Variants in FAM89A observed in about 807,000 individuals in gnomAD.
FAM89A encodes the protein family with sequence similarity 89 member A.
In FAM89A, 10 loss-of-function variants were observed where a neutral mutation model predicts 7.1. The ratio of observed to expected loss-of-function variants is 1.40; its 90% CI spans 0.86 to 2.38. The LOEUF (loss-of-function observed/expected upper bound fraction) is 2.38. Ranked by LOEUF, FAM89A falls within the 30% of genes most tolerant of loss-of-function variation. The pLI is 0.00. For synonymous variants in FAM89A, 157 were observed against 129.3 expected (o/e 1.21, Z -1.45); for missense variants, 276 against 262.8 (o/e 1.05, Z -0.35).
At chr1:231,020,998 G>A (rs961956879) in intron 1 of FAM89A, among the ~76,000 whole-genome samples, 14 of 152,130 alleles carry the variant, frequency 9.2e-5, no homozygotes, top group Non-Finnish European at 1.8e-4. Flanking sequence ...CAGCATCGGT[G>A]CCTCTTAACC....
Position 231,020,045 on chromosome 1 carries a change from A to C in FAM89A, c.373T>G (p.Cys125Gly), listed in dbSNP as rs1215525457. 7.4e-6 allele frequency: 12 copies of C among 1,614,012 alleles called. No individual in the cohort carries two copies. The highest frequency in any genetic ancestry group is 1.0e-5 in the Non-Finnish European group (12 of 1,180,042). The change falls in exon 2 of 2, where the codon TGC (cysteine) becomes GGC (glycine). Residue 125 changes from cysteine to glycine, a missense_variant. Physicochemically the swap from Cys to Gly is radical, Grantham distance 159. Coordinates refer to ENST00000366654, the MANE Select transcript of FAM89A (RefSeq NM_198552.3). ...YESIQEYKGACQAASSPDCTY... is the reference protein window; with the variant it reads ...YESIQEYKGAGQAASSPDCTY... ...CAGTCTGGGCTGGAGGCTGCCTGGC[A>C]TGCCCCCTTGTACTCCTGAATCGAC...
chr1:231,025,466 C>T (rs2103072019), intron 1 of FAM89A, among the ~76,000 whole-genome samples: 1 of 152,264 alleles, frequency 6.6e-6, no homozygotes, highest in South Asian at 2.1e-4. Context: ...GAAAGACAGA[C>T]AGTTTCCAGT....
rs920849246 is a variant in FAM89A, at chr1:231,019,455, A to T, written c.*408T>A. Reference sequence around the variant, plus strand: ...TGAAATGGTGGTTTTAATACATCCCAAACTGGAAGCAAGAACCCTAACACA... The same window carrying T: ...TGAAATGGTGGTTTTAATACATCCCTAACTGGAAGCAAGAACCCTAACACA... On this transcript the variant is annotated 3_prime_UTR_variant, in exon 2 of 2. Coordinates refer to ENST00000366654, the MANE Select transcript of FAM89A (RefSeq NM_198552.3). 1.2e-5 allele frequency: 2 copies of T among 170,182 alleles called. No individual in the cohort carries two copies. Among genetic ancestry groups the T allele is most frequent in the Admixed American group, 1.1e-4 (2 of 18,070 alleles). 10.5% of individuals were successfully genotyped at this position (170,182 alleles called of 1,614,324 possible). A position where few individuals can be genotyped will look rare whatever the true frequency, so the allele number is the denominator to read the frequency against.
intron 1 of FAM89A, among the ~76,000 whole-genome samples, chr1:231,035,459 C>T (rs902497166): frequency 2.0e-5 from 3 of 152,172 alleles, no homozygotes; most frequent in African/African-American, 7.2e-5. Flanking sequence ...ACCCAAGAAT[C>T]CCCAGGGATG....
In FAM89A at chr1:231,021,971, G is replaced by A. The variant is rs112451002; in HGVS notation, c.292-1845C>T. 2,107 of 1,345,168 alleles carry A rather than the reference G, an allele frequency of 1.6e-3. 33 individuals carry two copies. The African/African-American group carries it at 0.026, about 17-fold the overall frequency. 83.3% of individuals were successfully genotyped at this position (1,345,168 alleles called of 1,614,324 possible). On this transcript the variant is annotated intron_variant, in intron 1 of 1. Transcript: ENST00000366654. ...TTCCAGAAACACCAGGGATGAGGGC[G>A]CTATAGGCCTCAGGCCCTCGGGTAC...
At chr1:231,022,444 G>A (rs778808175) in intron 1 of FAM89A, among the ~76,000 whole-genome samples, 43 of 152,304 alleles carry the variant, frequency 2.8e-4, no homozygotes, top group Non-Finnish European at 5.0e-4. Flanking sequence ...ACTGGGAATC[G>A]TGGTTCCAGT....
chr1:231,019,546 A>C lies in FAM89A; in HGVS notation c.*317T>G. The C allele has an allele frequency of 3.6e-6, 1 of 277,606 alleles. No homozygotes were observed. Among genetic ancestry groups the C allele is most frequent in the Non-Finnish European group, 6.8e-6 (1 of 146,622 alleles). The allele number at this position is 277,606 out of a possible 1,614,324, so 17.2% of individuals were successfully genotyped here. A position where few individuals can be genotyped will look rare whatever the true frequency, so the allele number is the denominator to read the frequency against. On this transcript the variant is annotated 3_prime_UTR_variant, in exon 2 of 2. Transcript: ENST00000366654. ...AGCTACAAGCCACCTCACACAAAAC[A>C]CCCACTAAGGCCTTTCACCGAGATC...
Position 231,020,115 on chromosome 1 carries a change from G to A in FAM89A, c.303C>T (p.Arg101=), listed in dbSNP as rs774242429. Residue 101 remains arginine (R), a synonymous_variant, in exon 2 of 2, where the codon CGC becomes CGT. Coordinates refer to ENST00000366654, the MANE Select transcript of FAM89A (RefSeq NM_198552.3). ...ALLRKEMVGL[R]QLDMSLLCQL... ...GGCAGAGCAAGGACATGTCCAGCTG[G>A]CGGAGACCAACCTTGAGGGAAGGGG... 5.0e-6 allele frequency: 8 copies of A among 1,606,982 alleles called. No homozygotes were observed. The highest frequency in any genetic ancestry group is 1.6e-4 in the Middle Eastern group (1 of 6,068).
chr1:231,020,199 C>T (rs559143583), intron 1 of FAM89A, 73 bp from the exon 2 acceptor site: 38 of 1,429,326 alleles, frequency 2.7e-5, no homozygotes, highest in African/African-American at 4.2e-5. Context: ...AACACTCAGC[C>T]GGCGATCTGC....
chr1:231,025,397 TCAAA>T (rs1268373847), intron 1 of FAM89A, among the ~76,000 whole-genome samples: 1 of 152,148 alleles, frequency 6.6e-6, no homozygotes, highest in African/African-American at 2.4e-5. Context: ...TATGGTTAGC[TCAAA>T]CACTTTGTGA....
At chr1:231,024,682 G>A (rs185256320) in intron 1 of FAM89A, among the ~76,000 whole-genome samples, 4 of 152,062 alleles carry the variant, frequency 2.6e-5, no homozygotes, top group African/African-American at 9.6e-5. Flanking sequence ...GACTACAGGT[G>A]CATACCACCA....
At position 231,019,491 on chromosome 1, in the gene FAM89A, GAATACTCTACCATCTGT is replaced by G. The variant is rs1679831564; in HGVS notation, c.*355_*371del. On this transcript the variant is annotated 3_prime_UTR_variant, in exon 2 of 2. Coordinates refer to ENST00000366654, the MANE Select transcript of FAM89A (RefSeq NM_198552.3). ...AAGAACCCTAACACAAAGAGGATTG[GAATACTCTACCATCTGT>G]AAGGAAGTAGCTAGCTACAAGCCAC... 1 of 193,290 alleles carries G rather than the reference GAATACTCTACCATCTGT, an allele frequency of 5.2e-6. No individual in the cohort carries two copies. Among genetic ancestry groups the G allele is most frequent in the Non-Finnish European group, 1.1e-5 (1 of 92,890 alleles). The allele number at this position is 193,290 out of a possible 1,614,324, so 12.0% of individuals were successfully genotyped here.
At chr1:231,039,898 C>G (rs12025055) in intron 1 of FAM89A, 23 bp downstream of exon 1, 254,977 of 1,290,996 alleles carry the variant, frequency 0.2, 26,400 homozygotes, top group East Asian at 0.42. Flanking sequence ...GGGAAGAGCC[C>G]CAGCTCGCGG....
At chr1:231,035,868 C>A (rs994780796) in intron 1 of FAM89A, among the ~76,000 whole-genome samples, 1 of 152,204 alleles carries the variant, frequency 6.6e-6, no homozygotes, top group Non-Finnish European at 1.5e-5. Context: ...CCCCAGTGTC[C>A]GACTCCATCC....
chr1:231,025,521 T>C (rs951078353), intron 1 of FAM89A, among the ~76,000 whole-genome samples: 13 of 152,228 alleles, frequency 8.5e-5, no homozygotes, highest in African/African-American at 3.1e-4. Context: ...CTCAAAAGCA[T>C]ACCTTGAATA....
intron 1 of FAM89A, among the ~76,000 whole-genome samples, chr1:231,038,111 G>A (rs1680190521): frequency 6.6e-6 from 1 of 152,150 alleles, no homozygotes; most frequent in Non-Finnish European, 1.5e-5. Flanking sequence ...AGATTCTCTG[G>A]GCAACTTTAA....
intron 1 of FAM89A, among the ~76,000 whole-genome samples, chr1:231,028,191 G>A (rs545174409): frequency 6.6e-6 from 1 of 152,344 alleles, no homozygotes; most frequent in Non-Finnish European, 1.5e-5. Flanking sequence ...GGTGCAGACT[G>A]AACGGGCAGC....
chr1:231,024,089 A>G (rs183668735), intron 1 of FAM89A, among the ~76,000 whole-genome samples: 4 of 152,246 alleles, frequency 2.6e-5, no homozygotes, highest in African/African-American at 4.8e-5. Context: ...CCTTTTTTCA[A>G]TGTACATAGT....
At chr1:231,024,311 A>G (rs1235054357) in intron 1 of FAM89A, among the ~76,000 whole-genome samples, 1 of 152,168 alleles carries the variant, frequency 6.6e-6, no homozygotes, top group African/African-American at 2.4e-5. Flanking sequence ...CCTAGCAATA[A>G]GATTTTCCAC....
Sources: gnomAD v4.1 joint callset for allele counts (sites outside exome capture counted in the v4.1 genomes callset) on GRCh38, gnomAD v4.1.1 for gene constraint, MANE v1.5 for transcripts, NCBI Gene and HGNC (gene_info 2026-07-23, HGNC 2026-07-21) for gene names.